LTBP1: variants seen among roughly 807,000 people sequenced by gnomAD.
LTBP1 encodes the protein latent-transforming growth factor beta-binding protein 1.
Under a neutral mutation model 207.6 loss-of-function variants are expected in LTBP1, and 129 were observed. The ratio of observed to expected loss-of-function variants is 0.62; its 90% CI spans 0.54 to 0.72. LTBP1 has a LOEUF of 0.72. Among genes scored for constraint, LTBP1 ranks in the 30% least tolerant of loss-of-function variants. The pLI, the probability that LTBP1 is intolerant of heterozygous loss-of-function variation, is 0.00. For synonymous variants in LTBP1, 963 were observed against 833.7 expected, an observed-to-expected ratio of 1.16 and a Z score of -2.67; for missense variants, 2,281 against 2,217.2, an observed-to-expected ratio of 1.03 and a Z score of -0.58.
At chr2:32,948,976 C>T (rs75466330) in intron 2 of LTBP1, 31 bp downstream of exon 2, 61,955 of 1,611,198 alleles carry the variant, frequency 0.038, 1,463 homozygotes, top group Non-Finnish European at 0.048. Context: ...TGGCCCTGCA[C>T]AGTAGGCAAA....
chr2:32,986,249 T>C (rs1683548319), intron 2 of LTBP1, among the ~76,000 whole-genome samples: 1 of 151,994 alleles, frequency 6.6e-6, no homozygotes, highest in Non-Finnish European at 1.5e-5. Flanking sequence ...AGGATGATGT[T>C]GGTGAGGAGA....
intron 7 of LTBP1, among the ~76,000 whole-genome samples, chr2:33,215,725 T>TTTG (rs2090634778): frequency 4.1e-5 from 6 of 146,774 alleles, no homozygotes; most frequent in Middle Eastern, 3.4e-3. Flanking sequence ...TGTTTTTTGT[T>TTTG]TTTTTTTTTT....
chr2:33,250,085 T>C (rs952343134), intron 10 of LTBP1, among the ~76,000 whole-genome samples: 19 of 152,220 alleles, frequency 1.2e-4, no homozygotes, highest in Admixed American at 1.2e-3. Context: ...CTGGGTAGCA[T>C]ATTGTTTCTG....
At chr2:33,388,819 T>G (rs1242261568) in intron 31 of LTBP1, among the ~76,000 whole-genome samples, 5 of 152,200 alleles carry the variant, frequency 3.3e-5, no homozygotes, top group Non-Finnish European at 2.9e-5. Flanking sequence ...ACTTTAAAAA[T>G]GTTTTTGATG....
At chr2:33,081,269 G>A (rs2078381784) in intron 3 of LTBP1, among the ~76,000 whole-genome samples, 1 of 152,084 alleles carries the variant, frequency 6.6e-6, no homozygotes, top group Non-Finnish European at 1.5e-5. Context: ...GGGAAGGTGA[G>A]AGTGACCTTC....
intron 32 of LTBP1, among the ~76,000 whole-genome samples, chr2:33,393,056 T>G (rs1162164630): frequency 6.6e-6 from 1 of 151,902 alleles, no homozygotes; most frequent in Non-Finnish European, 1.5e-5. Context: ...GGTACAAATT[T>G]TTTTAACTTT....
chr2:33,186,078 A>T (rs1245426386), intron 5 of LTBP1, among the ~76,000 whole-genome samples: 3 of 152,192 alleles, frequency 2.0e-5, no homozygotes, highest in Admixed American at 2.0e-4. Flanking sequence ...GTTAATTCCA[A>T]ACTAATTTTG....
intron 32 of LTBP1, among the ~76,000 whole-genome samples, chr2:33,390,897 A>G (rs1336132255): frequency 1.3e-5 from 2 of 152,146 alleles, no homozygotes; most frequent in African/African-American, 4.8e-5. Flanking sequence ...TCACCTGTGC[A>G]CGAAGCGTCC....
At chr2:32,952,658 G>T (rs558556056) in intron 2 of LTBP1, among the ~76,000 whole-genome samples, 2 of 151,216 alleles carry the variant, frequency 1.3e-5, no homozygotes, top group African/African-American at 2.4e-5. Flanking sequence ...TTTTTTCTGC[G>T]CCCAAACTGA....
chr2:33,111,067 T>C (rs1230223419), intron 4 of LTBP1, among the ~76,000 whole-genome samples: 2 of 152,212 alleles, frequency 1.3e-5, no homozygotes, highest in African/African-American at 4.8e-5. Context: ...CATGTTTACA[T>C]TGATGCAATA....
rs75975571 is a variant in LTBP1 at position 33,390,471 on chromosome 2, C to G, written c.4834+1165C>G. 2.1e-3 allele frequency among the ~76,000 whole-genome samples: 325 copies of G among 152,018 alleles called. 1 individual carries two copies. Among genetic ancestry groups the G allele is most frequent in the African/African-American group, 7.0e-3 (291 of 41,438 alleles). ...GTCCACAGCTCACAGAGGGGCCATC[C>G]TCACGTGTAGCTTCACCACAAATTT... On this transcript the variant is annotated intron_variant, in intron 32 of 33. Coordinates refer to ENST00000404816, the MANE Select transcript of LTBP1 (RefSeq NM_206943.4).
In LTBP1 at chr2:33,252,795, G is replaced by T. The variant is rs2092720290; in HGVS notation, c.2118G>T (p.Val706=). The T allele has an allele frequency of 1.9e-6, 3 of 1,613,568 alleles. No homozygotes were observed. The highest frequency in any genetic ancestry group is 1.7e-4 in the Middle Eastern group (1 of 6,056). The stretch of plus-strand genomic sequence containing the variant: ...CCAAGCAGCTCTGCTGTTGTAGTGT[G>T]GGCAAGGCCTGGGGCCCACACTGTG... ...HLTKQLCCCS[V]GKAWGPHCEK... is the part of the protein sequence containing the mutation. Residue 706 remains valine (V), a synonymous_variant, in exon 11 of 34, where the codon GTG becomes GTT. Transcript: ENST00000404816.
At chr2:33,212,785 T>C (rs2090407314) in intron 7 of LTBP1, among the ~76,000 whole-genome samples, 1 of 152,236 alleles carries the variant, frequency 6.6e-6, no homozygotes, top group Admixed American at 6.5e-5. Flanking sequence ...CAAAATGTTT[T>C]GAGTACCAAC....
At chr2:33,118,425 A>G (rs1239815826) in intron 4 of LTBP1, among the ~76,000 whole-genome samples, 2 of 152,228 alleles carry the variant, frequency 1.3e-5, no homozygotes, top group African/African-American at 4.8e-5. Flanking sequence ...TTGCAAAATC[A>G]GCGAGTTCCT....
chr2:33,150,547 A>T lies in LTBP1; in HGVS notation c.1201+15587A>T, dbSNP rs1250979306. 2.6e-5 allele frequency among the ~76,000 whole-genome samples: 4 copies of T among 151,972 alleles called. No homozygotes were observed. In the South Asian group the frequency reaches 6.2e-4, roughly 24 times the overall value. On this transcript the variant is annotated intron_variant, in intron 5 of 33. Transcript: ENST00000404816. Reference sequence around the variant, plus strand: ...ATCATCTCTAACAGAAACTATACCCATTAAGTAAAAATTCCCCATTCCTTT... The same window carrying T: ...ATCATCTCTAACAGAAACTATACCCTTTAAGTAAAAATTCCCCATTCCTTT...
intron 2 of LTBP1, among the ~76,000 whole-genome samples, 160 bp from the exon 3 acceptor site, chr2:33,020,749 C>G (rs1221584202): frequency 6.6e-6 from 1 of 152,152 alleles, no homozygotes; most frequent in African/African-American, 2.4e-5. Flanking sequence ...TAGCTCTCTT[C>G]CCCCTCCTCC....
At chr2:33,301,687 C>T (rs570598723) in intron 22 of LTBP1, 43 bp downstream of exon 22, 83 of 1,507,174 alleles carry the variant, frequency 5.5e-5, no homozygotes, top group African/African-American at 8.4e-5. Context: ...ATGCCCAGAT[C>T]GGAGGGAAAT....
At chr2:33,296,821 A>T (rs1481521397) in intron 20 of LTBP1, among the ~76,000 whole-genome samples, 2 of 152,250 alleles carry the variant, frequency 1.3e-5, no homozygotes, top group East Asian at 3.9e-4. Flanking sequence ...ATCTTACTTC[A>T]CTAAGCCTTA....
At chr2:33,262,897 C>T in intron 14 of LTBP1, 76 bp downstream of exon 14, 1 of 986,342 alleles carries the variant, frequency 1.0e-6, no homozygotes, top group Non-Finnish European at 1.5e-6. Context: ...TTGTCTTTGA[C>T]TTTGTGTAGT....
Sources: allele counts gnomAD v4.1 joint callset (sites outside exome capture counted in the v4.1 genomes callset), GRCh38; gene constraint gnomAD v4.1.1; transcripts MANE v1.5; gene names NCBI Gene and HGNC (gene_info 2026-07-23, HGNC 2026-07-21).